MBOAT1: variants seen among roughly 807,000 people sequenced by gnomAD.
The protein encoded by MBOAT1 is membrane bound glycerophospholipid O-acyltransferase 1.
In MBOAT1, 67 loss-of-function variants were observed where a neutral mutation model predicts 64.4. That is an observed-to-expected ratio of 1.04 (90% CI 0.85 to 1.27). The LOEUF (loss-of-function observed/expected upper bound fraction) is 1.27, where lower values mean the gene tolerates loss of function less well. Ranked by LOEUF, MBOAT1 falls within the 50% of genes most tolerant of loss-of-function variation. The probability of loss-of-function intolerance (pLI) is 0.00; values close to 1 mark genes in which losing one functional copy is unlikely to be tolerated. For synonymous variants in MBOAT1, 229 were observed against 218.9 expected (o/e 1.05, Z -0.41); for missense variants, 563 against 604.6 (o/e 0.93, Z 0.72).
intron 1 of MBOAT1, among the ~76,000 whole-genome samples, chr6:20,153,774 C>G (rs1260319505): frequency 6.6e-6 from 1 of 152,122 alleles, no homozygotes; most frequent in Non-Finnish European, 1.5e-5. Flanking sequence ...AGTGGTCTAC[C>G]TCTTGAGAAT....
intron 1 of MBOAT1, among the ~76,000 whole-genome samples, chr6:20,204,773 T>C (rs958333255): frequency 2.0e-5 from 3 of 152,030 alleles, no homozygotes; most frequent in African/African-American, 7.2e-5. Flanking sequence ...ACAGGGAAAA[T>C]GGTGCTGGAA....
Position 20,124,460 on chromosome 6 carries a change from T to G in MBOAT1, c.855A>C (p.Leu285Phe). ...GCTTTGAGGCTTGCATGACAACATATAAGTAGCAGAGTCGAGCCGGAAAGC... is the reference window on the plus strand; with the variant it reads ...GCTTTGAGGCTTGCATGACAACATAGAAGTAGCAGAGTCGAGCCGGAAAGC... ...KASFPARLCYLYVVMQASKPK... is the reference protein window; with the variant it reads ...KASFPARLCYFYVVMQASKPK... The change falls in exon 8 of 13, where the codon TTA (leucine) becomes TTC (phenylalanine). Residue 285 changes from leucine to phenylalanine, a missense_variant. By Grantham distance (22) the Leu-to-Phe change is conservative (BLOSUM62 0). Coordinates refer to ENST00000324607, the MANE Select transcript of MBOAT1 (RefSeq NM_001080480.3). The G allele has an allele frequency of 6.2e-7, 1 of 1,614,134 alleles. No individual in the cohort carries two copies. Among genetic ancestry groups the G allele is most frequent in the Non-Finnish European group, 8.5e-7 (1 of 1,180,022 alleles).
At chr6:20,206,704 C>T (rs549574606) in intron 1 of MBOAT1, among the ~76,000 whole-genome samples, 7 of 152,276 alleles carry the variant, frequency 4.6e-5, no homozygotes, top group Admixed American at 4.6e-4. Flanking sequence ...ATAGTCTTCT[C>T]CACCGCAACT....
intron 1 of MBOAT1, among the ~76,000 whole-genome samples, chr6:20,177,982 G>A (rs1448445528): frequency 1.3e-5 from 2 of 152,044 alleles, no homozygotes; most frequent in Non-Finnish European, 2.9e-5. Context: ...ATGGATAACT[G>A]GGGAGACTCC....
intron 11 of MBOAT1, among the ~76,000 whole-genome samples, chr6:20,111,862 A>G (rs1240122095): frequency 1.5e-5 from 2 of 137,372 alleles, no homozygotes; most frequent in African/African-American, 5.7e-5. Flanking sequence ...ATATATACAT[A>G]TATATACATA....
intron 1 of MBOAT1, among the ~76,000 whole-genome samples, chr6:20,195,395 G>A (rs1387609441): frequency 6.6e-6 from 1 of 152,072 alleles, no homozygotes; most frequent in Non-Finnish European, 1.5e-5. Context: ...TGGTTTTTCA[G>A]TTGGAATTCT....
chr6:20,104,638 A>T lies in MBOAT1; in HGVS notation c.1362-2226T>A, dbSNP rs1759897883. ...CTTTCCCTAATGCTTTTTGAAGAATAAAGGAAAATAATGTTGGGAGGGAGG... is the reference window on the plus strand; with the variant it reads ...CTTTCCCTAATGCTTTTTGAAGAATTAAGGAAAATAATGTTGGGAGGGAGG... On this transcript the variant is annotated intron_variant, in intron 12 of 12. Coordinates refer to ENST00000324607, the MANE Select transcript of MBOAT1 (RefSeq NM_001080480.3). 2.0e-5 allele frequency among the ~76,000 whole-genome samples: 3 copies of T among 152,234 alleles called. 1 individual carries two copies. In the South Asian group the frequency reaches 6.2e-4, roughly 31 times the overall value.
chr6:20,118,483 T>C lies in MBOAT1; in HGVS notation c.965A>G (p.Asn322Ser). ...GTTCGAAAGCAGATCCCAACAGAAA[T>C]TCCCATTCTTATCCACTCCGCTGAA... Reference protein sequence around the residue: ...FGFSGVDKNGNFCWDLLSNLN... With the variant: ...FGFSGVDKNGSFCWDLLSNLN... Residue 322 changes from asparagine (N) to serine (S), a missense_variant, in exon 9 of 13, where the codon AAT becomes AGT. Coordinates refer to ENST00000324607, the MANE Select transcript of MBOAT1 (RefSeq NM_001080480.3). 1 of 1,614,102 alleles carries C rather than the reference T, an allele frequency of 6.2e-7. No homozygotes were observed. Among genetic ancestry groups the C allele is most frequent in the Non-Finnish European group, 8.5e-7 (1 of 1,180,018 alleles).
chr6:20,126,237 C>T (rs1760645001), intron 7 of MBOAT1, among the ~76,000 whole-genome samples: 1 of 152,144 alleles, frequency 6.6e-6, no homozygotes, highest in African/African-American at 2.4e-5. Flanking sequence ...AGTATTCAAA[C>T]GTGTTAACTC....
chr6:20,129,619 T>C (rs540622786), intron 5 of MBOAT1, among the ~76,000 whole-genome samples: 2 of 150,446 alleles, frequency 1.3e-5, no homozygotes, highest in South Asian at 4.2e-4. Flanking sequence ...CCAGGAAATA[T>C]GGTAAACTGA....
intron 3 of MBOAT1, among the ~76,000 whole-genome samples, chr6:20,148,525 G>T (rs192403211): frequency 6.6e-6 from 1 of 152,176 alleles, no homozygotes; most frequent in African/African-American, 2.4e-5. Flanking sequence ...AAAGAGGAGA[G>T]CAATTCATAC....
intron 1 of MBOAT1, among the ~76,000 whole-genome samples, chr6:20,182,066 G>A (rs112109553): frequency 4.8e-4 from 73 of 152,292 alleles, no homozygotes; most frequent in East Asian, 1.4e-3. Flanking sequence ...TAAAATAGGC[G>A]TATAATGCCT....
chr6:20,109,726 G>GTAA lies in MBOAT1; in HGVS notation c.1230_1232dup (p.Tyr411dup). On this transcript the variant is annotated inframe_insertion, in exon 12 of 13. Coordinates refer to ENST00000324607, the MANE Select transcript of MBOAT1 (RefSeq NM_001080480.3). ...CCTTGAGAGCTCTTGAAGAAAGGAA[G>GTAA]TAATGTCTGTAGTTGTTCCTGACCT... is the stretch of plus-strand genomic sequence containing the variant. The GTAA allele has an allele frequency of 6.2e-7, 1 of 1,614,056 alleles. No individual in the cohort carries two copies. The highest frequency in any genetic ancestry group is 8.5e-7 in the Non-Finnish European group (1 of 1,179,974).
chr6:20,103,952 C>A (rs1237089023), intron 12 of MBOAT1, among the ~76,000 whole-genome samples: 1 of 152,182 alleles, frequency 6.6e-6, no homozygotes, highest in African/African-American at 2.4e-5. Context: ...CACTCACTGA[C>A]TCACCCAGAG....
chr6:20,135,583 A>C (rs1760963328), intron 4 of MBOAT1, among the ~76,000 whole-genome samples: 1 of 152,208 alleles, frequency 6.6e-6, no homozygotes, highest in African/African-American at 2.4e-5. Context: ...CTGATGTCCC[A>C]GTAAAGGTAG....
chr6:20,208,049 C>A (rs1206150972), intron 1 of MBOAT1, among the ~76,000 whole-genome samples: 2 of 152,088 alleles, frequency 1.3e-5, no homozygotes, highest in Non-Finnish European at 2.9e-5. Flanking sequence ...GTGAGCTGAG[C>A]TTTTAATGAA....
chr6:20,171,382 T>TA (rs34821586), intron 1 of MBOAT1, among the ~76,000 whole-genome samples: 15,757 of 113,166 alleles, frequency 0.14, 955 homozygotes, highest in South Asian at 0.24. Flanking sequence ...ACAAAAAACT[T>TA]AAAAAAAAAA....
intron 1 of MBOAT1, among the ~76,000 whole-genome samples, chr6:20,171,457 G>A (rs1277785971): frequency 6.6e-6 from 1 of 151,876 alleles, no homozygotes; most frequent in African/African-American, 2.4e-5. Flanking sequence ...GGAGGCTGAG[G>A]CAGGAGGATC....
intron 11 of MBOAT1, among the ~76,000 whole-genome samples, chr6:20,110,762 T>C (rs1220507666): frequency 1.3e-5 from 2 of 152,168 alleles, no homozygotes; most frequent in Non-Finnish European, 2.9e-5. Flanking sequence ...ATCATGCACT[T>C]TTTTCCATGC....
Sources: gnomAD v4.1 joint callset for allele counts (sites outside exome capture counted in the v4.1 genomes callset) on GRCh38, gnomAD v4.1.1 for gene constraint, MANE v1.5 for transcripts, NCBI Gene and HGNC (gene_info 2026-07-23, HGNC 2026-07-21) for gene names.